Variants in PCLO observed in about 807,000 individuals in gnomAD.
PCLO encodes the protein piccolo presynaptic cytomatrix protein.
Under a neutral mutation model 427.5 loss-of-function variants are expected in PCLO, and 82 were observed. That is an observed-to-expected ratio of 0.19 (90% CI 0.16 to 0.23). PCLO has a LOEUF of 0.23. Among genes scored for constraint, PCLO ranks in the 10% least tolerant of loss-of-function variants. The probability of loss-of-function intolerance (pLI) is 1.00; values close to 1 mark genes in which losing one functional copy is unlikely to be tolerated. For synonymous variants in PCLO, 2,357 were observed against 2,155.4 expected, an observed-to-expected ratio of 1.09 and a Z score of -2.59; for missense variants, 6,239 against 6,115.9, an observed-to-expected ratio of 1.02 and a Z score of -0.67.
Position 83,096,369 on chromosome 7 carries a change from G to A in PCLO, c.3300+37881C>T, listed in dbSNP as rs188157834. Among the ~76,000 whole-genome samples the A allele has an allele frequency of 3.2e-4, 48 of 152,074 alleles. 2 individuals carry two copies. Among genetic ancestry groups the A allele is most frequent in the Admixed American group, 2.8e-3 (42 of 15,250 alleles). ...TCTGAATTAATATAGCAAAGTGTTT[G>A]GATTTAAGCCCAGACTCTGAAAATT... On this transcript the variant is annotated intron_variant, in intron 3 of 24. Coordinates refer to ENST00000333891, the MANE Select transcript of PCLO (RefSeq NM_033026.6).
chr7:83,041,035 T>C (rs1007107706), intron 3 of PCLO, among the ~76,000 whole-genome samples: 1 of 152,216 alleles, frequency 6.6e-6, no homozygotes, highest in Non-Finnish European at 1.5e-5. Flanking sequence ...ACAGCTTTTA[T>C]GACAAAACAT....
At chr7:83,152,043 C>T (rs1035684248) in intron 2 of PCLO, among the ~76,000 whole-genome samples, 24 of 151,878 alleles carry the variant, frequency 1.6e-4, no homozygotes, top group African/African-American at 5.8e-4. Context: ...TGGCTCACTG[C>T]AAGCTCCGCC....
intron 8 of PCLO, among the ~76,000 whole-genome samples, chr7:82,903,403 C>T (rs1315211606): frequency 6.6e-6 from 1 of 151,922 alleles, no homozygotes; most frequent in South Asian, 2.1e-4. Flanking sequence ...CCTAGACATT[C>T]CTTAGGGTAG....
Position 82,965,925 on chromosome 7 carries a change from C to T in PCLO, c.3863G>A (p.Gly1288Glu), listed in dbSNP as rs370173546. 6 of 1,613,682 alleles carry T rather than the reference C, an allele frequency of 3.7e-6. No individual in the cohort carries two copies. The highest frequency in any genetic ancestry group is 1.6e-4 in the Middle Eastern group (1 of 6,084). The change falls in exon 4 of 25, where the codon GGG becomes GAG. Residue 1288 changes from glycine to glutamate, a missense_variant. Gly to Glu is a moderately conservative substitution (Grantham distance 98). Around this residue, in one of 5 missense-constraint regions of PCLO, gnomAD observed 4,677 missense variants for 4,468.4 expected, o/e 1.05. Coordinates refer to ENST00000333891, the MANE Select transcript of PCLO (RefSeq NM_033026.6). ...GRVAPKTVQE[G>E]KQPQTKMEGL... ...TTCCATCTTGGTCTGTGGTTGTTTC[C>T]CTTCTTGCACTGTCTTTGGAGCCAC...
chr7:83,076,637 TTTG>T (rs1027197453), intron 3 of PCLO, among the ~76,000 whole-genome samples: 2 of 142,338 alleles, frequency 1.4e-5, no homozygotes, highest in African/African-American at 5.3e-5. Context: ...TTTTTTTTTT[TTTG>T]CAGTTTTTTT....
At chr7:83,112,597 T>C (rs920768244) in intron 3 of PCLO, among the ~76,000 whole-genome samples, 42 of 152,312 alleles carry the variant, frequency 2.8e-4, no homozygotes, top group African/African-American at 9.4e-4. Flanking sequence ...ATATTCTTGT[T>C]GGTAATGTCA....
chr7:83,057,586 C>T (rs1789433896), intron 3 of PCLO, among the ~76,000 whole-genome samples: 2 of 150,410 alleles, frequency 1.3e-5, no homozygotes, highest in South Asian at 4.2e-4. Flanking sequence ...TGGTCTCGAT[C>T]TCCTGACCTC....
intron 3 of PCLO, among the ~76,000 whole-genome samples, chr7:83,033,124 T>A (rs1228986419): frequency 6.6e-6 from 1 of 152,156 alleles, no homozygotes; most frequent in Non-Finnish European, 1.5e-5. Context: ...AGATTATAAG[T>A]TTCCTGAGAT....
At chr7:82,866,231 C>T (rs577351468) in intron 10 of PCLO, among the ~76,000 whole-genome samples, 2 of 152,058 alleles carry the variant, frequency 1.3e-5, no homozygotes, top group African/African-American at 4.8e-5. Context: ...CTTTCTCTTA[C>T]CACCTCACCT....
At position 83,009,734 on chromosome 7, in the gene PCLO, T is replaced by C. The variant is rs535738775; in HGVS notation, c.3301-43247A>G. Reference sequence around the variant, plus strand: ...AAAGATTTAAATTAGATTAGAAAAATTTATATAAGAGTTTCTTTATTCTAG... The same window carrying C: ...AAAGATTTAAATTAGATTAGAAAAACTTATATAAGAGTTTCTTTATTCTAG... On this transcript the variant is annotated intron_variant, in intron 3 of 24. Transcript: ENST00000333891. Among the ~76,000 whole-genome samples the C allele has an allele frequency of 1.2e-4, 18 of 151,750 alleles. 1 individual carries two copies. Among genetic ancestry groups the C allele is most frequent in the Non-Finnish European group, 2.5e-4 (17 of 67,800 alleles).
At chr7:83,084,213 T>A (rs753213860) in intron 3 of PCLO, among the ~76,000 whole-genome samples, 11 of 152,090 alleles carry the variant, frequency 7.2e-5, no homozygotes, top group African/African-American at 1.2e-4. Flanking sequence ...CTGCTTCATA[T>A]ATATTTATGA....
Position 83,155,330 on chromosome 7 carries a change from T to C in PCLO, c.1311A>G (p.Thr437=), listed in dbSNP as rs200129177. The change falls in exon 2 of 25, where the codon ACA becomes ACG. Residue 437 remains threonine (T), a synonymous_variant. Coordinates refer to ENST00000333891, the MANE Select transcript of PCLO (RefSeq NM_033026.6). ...GCCCAGGCTGCTGAACTGGAGTCTT[T>C]GTAGGCCCAGGTGCCTTAGCTGGAG... ...LQSPAKAPGP[T]KTPVQQPGPG... The C allele has an allele frequency of 1.9e-6, 3 of 1,613,408 alleles. No homozygotes were observed. The highest frequency in any genetic ancestry group is 2.7e-5 in the African/African-American group (2 of 74,732).
chr7:82,847,284 G>C (rs768724906), intron 10 of PCLO, 37 bp from the exon 11 acceptor site: 15 of 1,161,580 alleles, frequency 1.3e-5, no homozygotes, highest in South Asian at 5.2e-5. Context: ...TCAAACGTGT[G>C]CTATCTCTAG....
rs140332141 is a variant in PCLO at position 82,951,071 on chromosome 7, G to A, written c.9517C>T (p.Leu3173Phe). ...ACAGAGTCTATCGTCTCAGCAGTAA[G>A]AGACTCCATAGTAATAGTTTGCAAA... is the stretch of plus-strand genomic sequence containing the variant. Reference protein sequence around the residue: ...ASLQTITMESLTAETIDSVPT... With the variant: ...ASLQTITMESFTAETIDSVPT... Residue 3173 changes from leucine to phenylalanine, a missense_variant, in exon 6 of 25, where the codon CTT (leucine) becomes TTT (phenylalanine). This residue lies in a region of PCLO where 4,677 missense variants were observed against 4,468.4 expected (regional missense o/e 1.05). Transcript: ENST00000333891. 7.1e-5 allele frequency: 114 copies of A among 1,613,918 alleles called. 1 individual carries two copies. The East Asian group carries it at 1.2e-3, about 18-fold the overall frequency.
At chr7:83,070,648 G>A (rs570069261) in intron 3 of PCLO, among the ~76,000 whole-genome samples, 30 of 152,184 alleles carry the variant, frequency 2.0e-4, no homozygotes, top group African/African-American at 6.5e-4. Flanking sequence ...CGGCCTCCCA[G>A]AGTGCTGGGA....
intron 3 of PCLO, among the ~76,000 whole-genome samples, chr7:83,088,110 T>C (rs1455835481): frequency 6.6e-6 from 1 of 152,212 alleles, no homozygotes; most frequent in Non-Finnish European, 1.5e-5. Flanking sequence ...CATGAACTAA[T>C]TACTTCTCAG....
In PCLO at chr7:82,879,360, T is replaced by A; in HGVS notation, c.13631A>T (p.Glu4544Val). 3 of 1,612,694 alleles carry A rather than the reference T, an allele frequency of 1.9e-6. No individual in the cohort carries two copies. Among genetic ancestry groups the A allele is most frequent in the Non-Finnish European group, 1.7e-6 (2 of 1,179,106 alleles). ...IAKILPGGSA[E>V]QTGKLMEGMQ... ...ACCTTCCATAAGCTTCCCCGTCTGTTCCGCACTTCCCCCAGGAAGAATCTT... is the reference window on the plus strand; with the variant it reads ...ACCTTCCATAAGCTTCCCCGTCTGTACCGCACTTCCCCCAGGAAGAATCTT... Residue 4544 changes from glutamate (E) to valine (V), a missense_variant, in exon 10 of 25, where the codon GAA (glutamate) becomes GTA (valine). Coordinates refer to ENST00000333891, the MANE Select transcript of PCLO (RefSeq NM_033026.6).
intron 3 of PCLO, among the ~76,000 whole-genome samples, chr7:83,059,236 G>A (rs1353639158): frequency 6.8e-6 from 1 of 148,052 alleles, no homozygotes; most frequent in Non-Finnish European, 1.5e-5. Flanking sequence ...ACGGTGCACC[G>A]AGGGTCAATT....
In PCLO at chr7:83,158,756, A is replaced by G. The variant is rs533142634; in HGVS notation, c.249-2364T>C. 7.2e-4 allele frequency among the ~76,000 whole-genome samples: 110 copies of G among 152,160 alleles called. No individual in the cohort carries two copies. In the Middle Eastern group the frequency reaches 0.01, roughly 14 times the overall value. On this transcript the variant is annotated intron_variant, in intron 1 of 24. Transcript: ENST00000333891. ...CTACAAATATAAGTTGTACTTTACT[A>G]TAGAATCCCCATCAGAAAATAGGCA...
Sources: gnomAD v4.1 joint callset for allele counts (sites outside exome capture counted in the v4.1 genomes callset) on GRCh38, gnomAD v4.1.1 for gene constraint, gnomAD v4.1.1 regional missense constraint, MANE v1.5 for transcripts, NCBI Gene and HGNC (gene_info 2026-07-23, HGNC 2026-07-21) for gene names.